Variants in TEX11 observed in about 807,000 individuals in gnomAD.
TEX11 encodes testis expressed 11.
A neutral mutation model predicts 84.4 loss-of-function variants in TEX11; 7 were observed. The observed-to-expected ratio is 0.08, with a 90% CI of 0.05 to 0.16. TEX11 has a LOEUF of 0.16. TEX11 is among the 10% of genes least tolerant of loss of function. The pLI, the probability that TEX11 is intolerant of heterozygous loss-of-function variation, is 1.00. For missense variants in TEX11, 551 were observed against 660.5 expected (o/e 0.83, Z 1.82); for synonymous variants, 264 against 222.8 (o/e 1.18, Z -1.64).
chrX:70,809,905 C>G (rs2091242173), intron 8 of TEX11, among the ~76,000 whole-genome samples: 1 of 111,638 alleles, frequency 9.0e-6, no homozygotes, highest in Non-Finnish European at 1.9e-5. Context: ...GACCTGTAAA[C>G]TTATTTTACT....
intron 25 of TEX11, among the ~76,000 whole-genome samples, chrX:70,566,798 C>T (rs1324180447): frequency 9.0e-6 from 1 of 111,593 alleles, no homozygotes. Context: ...CTACTGGATT[C>T]GGATTGCCAG....
At chrX:70,550,754 G>A (rs899887691) in intron 28 of TEX11, among the ~76,000 whole-genome samples, 9 of 111,567 alleles carry the variant, frequency 8.1e-5, no homozygotes, top group Non-Finnish European at 9.4e-5. Context: ...ATAATAGGAA[G>A]TGCTGGTGAG....
chrX:70,629,878 C>T, intron 17 of TEX11, 143 bp from the exon 18 acceptor site: 1 of 495,961 alleles, frequency 2.0e-6, no homozygotes, highest in Non-Finnish European at 3.1e-6. Context: ...ATGTGAGTTG[C>T]TAAGCTTTCA....
At chrX:70,805,483 C>T (rs780617445) in intron 9 of TEX11, among the ~76,000 whole-genome samples, 7 of 108,970 alleles carry the variant, frequency 6.4e-5, no homozygotes, top group Non-Finnish European at 9.5e-5. Context: ...TCACTGCAAG[C>T]TGCATCTCCC....
intron 8 of TEX11, among the ~76,000 whole-genome samples, chrX:70,826,101 C>T (rs1019363296): frequency 1.8e-5 from 2 of 111,069 alleles, no homozygotes; most frequent in Non-Finnish European, 3.8e-5. Flanking sequence ...GTCAGGAGTT[C>T]GAGATCAGCC....
rs5981013 is a variant in TEX11 at position 70,833,839 on chromosome X, A to C, written c.526-246T>G. ...CATTTACTTTTTTCTGGAAATGCAA[A>C]AACTGGTTGTACTGCCTTATGTTAT... On this transcript the variant is annotated intron_variant, in intron 7 of 29. Transcript: ENST00000374333. Among the ~76,000 whole-genome samples, 987 of 111,585 alleles carry C rather than the reference A, an allele frequency of 8.8e-3. 13 individuals carry two copies. The highest frequency in any genetic ancestry group is 0.03 in the African/African-American group (931 of 30,775).
At chrX:70,897,600 G>A (rs1292634039) in intron 2 of TEX11, 1 of 77,187 alleles carries the variant, frequency 1.3e-5, no homozygotes, top group Non-Finnish European at 2.4e-5. Context: ...AGGAAAGAAA[G>A]AAAGAAAAAA....
chrX:70,687,704 T>C (rs2090200307), intron 13 of TEX11, among the ~76,000 whole-genome samples: 2 of 110,974 alleles, frequency 1.8e-5, no homozygotes, highest in Admixed American at 1.9e-4. Context: ...AGTAGAGTTA[T>C]GTGCAGTGGT....
chrX:70,836,426 G>C (rs2091405817), intron 7 of TEX11, among the ~76,000 whole-genome samples: 1 of 111,494 alleles, frequency 9.0e-6, no homozygotes, highest in Admixed American at 9.6e-5. Context: ...TATCTGACAA[G>C]GGAATCACAT....
chrX:70,614,949 G>A lies in TEX11; in HGVS notation c.1752-4406C>T, dbSNP rs190175320. Among the ~76,000 whole-genome samples, 180 of 111,288 alleles carry A rather than the reference G, an allele frequency of 1.6e-3. 2 individuals are homozygous for A. The highest frequency in any genetic ancestry group is 4.6e-3 in the Middle Eastern group (1 of 218). Reference sequence around the variant, plus strand: ...CCGGACCTTATTCAAGACCACCAAGGTAGTACCTCTATGAGTCTCCAAGAA... The same window carrying A: ...CCGGACCTTATTCAAGACCACCAAGATAGTACCTCTATGAGTCTCCAAGAA... On this transcript the variant is annotated intron_variant, in intron 20 of 29. Coordinates refer to ENST00000374333, the MANE Select transcript of TEX11 (RefSeq NM_031276.3).
intron 16 of TEX11, among the ~76,000 whole-genome samples, chrX:70,660,506 T>C (rs1046566909): frequency 1.6e-4 from 18 of 111,786 alleles, no homozygotes; most frequent in African/African-American, 5.5e-4. Context: ...AACTTTTTGT[T>C]AAAAACTAAG....
At chrX:70,873,453 C>T (rs1476033149) in intron 3 of TEX11, 146 bp from the exon 4 acceptor site, 1 of 433,228 alleles carries the variant, frequency 2.3e-6, no homozygotes, top group African/African-American at 2.5e-5. Context: ...CCTCTCCCCG[C>T]AAAAACTTAC....
chrX:70,840,637 C>G (rs4609343), intron 7 of TEX11, among the ~76,000 whole-genome samples: 2 of 109,095 alleles, frequency 1.8e-5, no homozygotes. Flanking sequence ...CAATATTAAC[C>G]TTAAATGTAA....
chrX:70,880,707 T>C (rs900195925), intron 2 of TEX11, among the ~76,000 whole-genome samples: 1 of 111,540 alleles, frequency 9.0e-6, no homozygotes, highest in African/African-American at 3.3e-5. Context: ...TAGACAGACA[T>C]AGCTAACTGC....
intron 25 of TEX11, among the ~76,000 whole-genome samples, chrX:70,571,061 C>G (rs2088590047): frequency 9.0e-6 from 1 of 111,394 alleles, no homozygotes; most frequent in Non-Finnish European, 1.9e-5. Context: ...CTCTGTCGCC[C>G]AGGCTGGATT....
chrX:70,752,474 G>A (rs2090834141), intron 9 of TEX11, among the ~76,000 whole-genome samples: 1 of 93,013 alleles, frequency 1.1e-5, no homozygotes, highest in Non-Finnish European at 2.1e-5. Flanking sequence ...GCAGTGAGCC[G>A]AGATGGCACC....
intron 25 of TEX11, among the ~76,000 whole-genome samples, chrX:70,583,056 G>T (rs1379517789): frequency 9.0e-6 from 1 of 110,674 alleles, no homozygotes; most frequent in Non-Finnish European, 1.9e-5. Flanking sequence ...GTTTAAATAG[G>T]TAACCAAGTA....
At chrX:70,531,405 C>G (rs377065544) in intron 28 of TEX11, among the ~76,000 whole-genome samples, 30 of 112,073 alleles carry the variant, frequency 2.7e-4, no homozygotes, top group African/African-American at 9.4e-4. Flanking sequence ...CTGCCTGTCT[C>G]CCCCACTAGG....
At chrX:70,712,617 C>T (rs1485452430) in intron 13 of TEX11, among the ~76,000 whole-genome samples, 50 of 109,556 alleles carry the variant, frequency 4.6e-4, no homozygotes, top group Admixed American at 1.9e-3. Flanking sequence ...ATAAGAATGC[C>T]TGTGATTTTT....
Sources: gnomAD v4.1 joint callset for allele counts (sites outside exome capture counted in the v4.1 genomes callset) on GRCh38, gnomAD v4.1.1 for gene constraint, MANE v1.5 for transcripts, NCBI Gene and HGNC (gene_info 2026-07-23, HGNC 2026-07-21) for gene names.